Variants in SLC9C1 observed in about 807,000 individuals in gnomAD.
The protein encoded by SLC9C1 is solute carrier family 9 member C1.
In SLC9C1, 97 loss-of-function variants were observed where a neutral mutation model predicts 140.9. The ratio of observed to expected loss-of-function variants is 0.69; its 90% confidence interval spans 0.58 to 0.82. SLC9C1 has a LOEUF of 0.82. SLC9C1 is among the 40% of genes least tolerant of loss of function. The pLI is 0.00. For missense variants in SLC9C1, 1,340 were observed against 1,389.3 expected (o/e 0.96, Z 0.56); for synonymous variants, 440 against 442.6 (o/e 0.99, Z 0.07).
At chr3:112,170,191 A>G (rs966266323) in intron 23 of SLC9C1, among the ~76,000 whole-genome samples, 2 of 152,174 alleles carry the variant, frequency 1.3e-5, no homozygotes, top group Non-Finnish European at 2.9e-5. Context: ...TAAATAAATA[A>G]TCAAGTGAAC....
chr3:112,206,598 G>A lies in SLC9C1; in HGVS notation c.1986+1580C>T, dbSNP rs186074748. Among the ~76,000 whole-genome samples the A allele has an allele frequency of 2.8e-3, 431 of 152,234 alleles. 5 individuals are homozygous for A. The highest frequency in any genetic ancestry group is 0.01 in the African/African-American group (423 of 41,526). On this transcript the variant is annotated intron_variant, in intron 16 of 28. Transcript: ENST00000305815. ...GCAAAGACTTGGAACCAACCCAAAT[G>A]TCCATCAATGATAGACTGGATTAAG...
intron 26 of SLC9C1, 66 bp downstream of exon 26, chr3:112,167,155 T>C (rs2077155906): frequency 1.3e-6 from 2 of 1,559,004 alleles, no homozygotes; most frequent in Non-Finnish European, 1.7e-6. Flanking sequence ...AGTTTCCAAA[T>C]ACACATATGG....
At chr3:112,166,735 A>C (rs1576251964) in intron 26 of SLC9C1, among the ~76,000 whole-genome samples, 1 of 152,128 alleles carries the variant, frequency 6.6e-6, no homozygotes. Context: ...TCAATTTTTA[A>C]ATTTATCTCA....
At chr3:112,173,299 AAG>A (rs2077278874) in intron 23 of SLC9C1, among the ~76,000 whole-genome samples, 1 of 152,168 alleles carries the variant, frequency 6.6e-6, no homozygotes, top group Admixed American at 6.5e-5. Flanking sequence ...ATTTAGGTTT[AAG>A]GATAGAAGTG....
intron 10 of SLC9C1, among the ~76,000 whole-genome samples, chr3:112,244,920 G>A (rs1381906353): frequency 6.6e-6 from 1 of 152,150 alleles, no homozygotes; most frequent in Non-Finnish European, 1.5e-5. Flanking sequence ...TGCAGCCCAA[G>A]CATTGGTAAT....
chr3:112,250,516 T>A (rs1025263024), intron 10 of SLC9C1, among the ~76,000 whole-genome samples: 3 of 149,838 alleles, frequency 2.0e-5, no homozygotes, highest in African/African-American at 7.4e-5. Flanking sequence ...TGAACTAGTT[T>A]ACAGTCCCAC....
intron 4 of SLC9C1, 91 bp downstream of exon 4, chr3:112,278,638 T>C (rs113411433): frequency 2.2e-6 from 3 of 1,364,806 alleles, no homozygotes; most frequent in African/African-American, 1.5e-5. Flanking sequence ...TTCTTCTTTG[T>C]TCCCTATTTT....
intron 26 of SLC9C1, among the ~76,000 whole-genome samples, chr3:112,165,486 ACAGT>A (rs1244216751): frequency 1.3e-5 from 2 of 152,054 alleles, no homozygotes; most frequent in African/African-American, 2.4e-5. Context: ...TTTCCTTCTA[ACAGT>A]CAGGACCCTC....
chr3:112,293,629 A>T (rs2080753945), intron 1 of SLC9C1, among the ~76,000 whole-genome samples: 1 of 152,082 alleles, frequency 6.6e-6, no homozygotes, highest in Admixed American at 6.6e-5. Flanking sequence ...AAACTCTCCT[A>T]CCACACAACG....
intron 10 of SLC9C1, among the ~76,000 whole-genome samples, chr3:112,244,441 G>A (rs1016039582): frequency 6.6e-6 from 1 of 152,128 alleles, no homozygotes; most frequent in African/African-American, 2.4e-5. Flanking sequence ...ATACAAACCT[G>A]GCTGTGCATG....
At chr3:112,239,422 C>T in intron 12 of SLC9C1, among the ~76,000 whole-genome samples, 1 of 152,238 alleles carries the variant, frequency 6.6e-6, no homozygotes, top group East Asian at 1.9e-4. Context: ...CGATGCCTCG[C>T]CCTGGTTCAA....
chr3:112,179,726 A>C (rs750641732), intron 22 of SLC9C1, 25 bp from the exon 23 acceptor site: 1 of 1,554,568 alleles, frequency 6.4e-7, no homozygotes, highest in Non-Finnish European at 8.6e-7. Flanking sequence ...AGAAAGAGAA[A>C]AATACATATG....
chr3:112,287,788 C>T (rs1271585292), intron 1 of SLC9C1, among the ~76,000 whole-genome samples: 1 of 152,112 alleles, frequency 6.6e-6, no homozygotes, highest in East Asian at 1.9e-4. Context: ...TGGCTCACGC[C>T]TGTAATCCCA....
intron 1 of SLC9C1, among the ~76,000 whole-genome samples, chr3:112,288,355 C>G (rs1027041230): frequency 2.6e-5 from 4 of 152,072 alleles, no homozygotes; most frequent in South Asian, 4.1e-4. Flanking sequence ...TGGGCTCATC[C>G]TTTTACGATT....
In SLC9C1 at chr3:112,170,794, G is replaced by A. The variant is rs546432349; in HGVS notation, c.2920-1466C>T. On this transcript the variant is annotated intron_variant, in intron 23 of 28. Transcript: ENST00000305815. ...CTTGGGTCAGTATCTTTTTTTGTGT[G>A]TAGTATAGGACATGTATATTTAACT... 3.3e-5 allele frequency among the ~76,000 whole-genome samples: 5 copies of A among 152,256 alleles called. No individual in the cohort carries two copies. The East Asian group carries it at 9.6e-4, about 29-fold the overall frequency.
chr3:112,169,245 A>C lies in SLC9C1; in HGVS notation c.3003T>G (p.Leu1001=), dbSNP rs548578146. ...TTTTTCTGGCTGTAATAGCGAGTCCAAGTTTTAGCCACATTTTTTGTTTAA... is the reference window on the plus strand; with the variant it reads ...TTTTTCTGGCTGTAATAGCGAGTCCCAGTTTTAGCCACATTTTTTGTTTAA... The part of the protein sequence containing the change: ...PLIKQKMWLK[L]GLAITARKIR... The change falls in exon 24 of 29, where the codon CTT becomes CTG. Residue 1001 remains leucine (L), a synonymous_variant. Coordinates refer to ENST00000305815, the MANE Select transcript of SLC9C1 (RefSeq NM_183061.3). 6.2e-7 allele frequency: 1 copy of C among 1,613,684 alleles called. No homozygotes were observed. Among genetic ancestry groups the C allele is most frequent in the East Asian group, 2.2e-5 (1 of 44,782 alleles).
chr3:112,231,470 G>C lies in SLC9C1; in HGVS notation c.1463C>G (p.Thr488Arg), dbSNP rs773350803. 3 of 1,610,992 alleles carry C rather than the reference G, an allele frequency of 1.9e-6. No homozygotes were observed. The highest frequency in any genetic ancestry group is 1.7e-6 in the Non-Finnish European group (2 of 1,178,504). ...ACATTTCACCTTCTGATGTTCTGTT[G>C]TTTCTTCTTCGTTCAACTAAATAAA... The part of the protein sequence containing the change: ...ENPYMLNEEE[T>R]TEHQKVKCPH... The change falls in exon 13 of 29, where the codon ACA (threonine) becomes AGA (arginine). Residue 488 changes from threonine (T) to arginine (R), a missense_variant. By Grantham distance (71) the Thr-to-Arg change is moderately conservative. Transcript: ENST00000305815.
chr3:112,186,028 G>A lies in SLC9C1; in HGVS notation c.2524-3770C>T, dbSNP rs937006916. The A allele has an allele frequency of 5.7e-6, 8 of 1,410,330 alleles. No homozygotes were observed. In the African/African-American group the frequency reaches 1.1e-4, roughly 20 times the overall value. The allele number at this position is 1,410,330 out of a possible 1,614,324, so 87.4% of individuals were successfully genotyped here. Reference sequence around the variant, plus strand: ...TTAGCACCTTTTCTTATGTGTATTAGCCATTTAAATATCTTCCGCTGCACA... The same window carrying A: ...TTAGCACCTTTTCTTATGTGTATTAACCATTTAAATATCTTCCGCTGCACA... On this transcript the variant is annotated intron_variant, in intron 20 of 28. Coordinates refer to ENST00000305815, the MANE Select transcript of SLC9C1 (RefSeq NM_183061.3).
At chr3:112,291,325 A>G (rs2080676226) in intron 1 of SLC9C1, among the ~76,000 whole-genome samples, 1 of 152,228 alleles carries the variant, frequency 6.6e-6, no homozygotes, top group South Asian at 2.1e-4. Context: ...CAACAAAGTA[A>G]ACAGATAACC....
Sources: gnomAD v4.1 joint callset for allele counts (sites outside exome capture counted in the v4.1 genomes callset) on GRCh38, gnomAD v4.1.1 for gene constraint, MANE v1.5 for transcripts, NCBI Gene and HGNC (gene_info 2026-07-23, HGNC 2026-07-21) for gene names.